RETREG1: variants seen among roughly 807,000 people sequenced by gnomAD.
RETREG1 encodes the protein reticulophagy regulator 1, also known as family with sequence similarity 134 member B.
Under a neutral mutation model 54.8 loss-of-function variants are expected in RETREG1, and 44 were observed. The observed-to-expected ratio is 0.80, with a 90% CI of 0.63 to 1.03. RETREG1 has a LOEUF of 1.03. Ranked by LOEUF, RETREG1 falls within the 50% of genes least tolerant of loss-of-function variation. The probability of loss-of-function intolerance (pLI) is 0.00; values close to 1 mark genes in which losing one functional copy is unlikely to be tolerated. For missense variants in RETREG1, 554 were observed against 605.1 expected (o/e 0.92, Z 0.89); for synonymous variants, 217 against 238.5 (o/e 0.91, Z 0.83).
chr5:16,548,472 C>T (rs1360247210), intron 3 of RETREG1, among the ~76,000 whole-genome samples: 1 of 152,052 alleles, frequency 6.6e-6, no homozygotes, highest in African/African-American at 2.4e-5. Flanking sequence ...CCAGCTGAAC[C>T]CCAGTTGATC....
intron 3 of RETREG1, among the ~76,000 whole-genome samples, chr5:16,529,470 G>T (rs334486): frequency 0.86 from 130,234 of 152,202 alleles, 55,797 homozygotes; most frequent in Middle Eastern, 0.88. Context: ...TGCTAGGACT[G>T]AAATTGCCCT....
chr5:16,532,726 C>T (rs1337747605), intron 3 of RETREG1, among the ~76,000 whole-genome samples: 1 of 152,180 alleles, frequency 6.6e-6, no homozygotes, highest in Admixed American at 6.5e-5. Flanking sequence ...TAGGTTCCTT[C>T]ATTGTTTATT....
chr5:16,479,708 C>T (rs1738688318), intron 5 of RETREG1, among the ~76,000 whole-genome samples: 1 of 152,044 alleles, frequency 6.6e-6, no homozygotes, highest in Non-Finnish European at 1.5e-5. Context: ...CAAAGATTGC[C>T]ACACTCTAAG....
intron 1 of RETREG1, among the ~76,000 whole-genome samples, chr5:16,595,498 C>T (rs549282020): frequency 3.9e-5 from 6 of 152,270 alleles, no homozygotes; most frequent in Middle Eastern, 3.4e-3. Flanking sequence ...CAAGTAATAA[C>T]TTGTTAGTTA....
chr5:16,505,302 G>A (rs1739904980), intron 3 of RETREG1, among the ~76,000 whole-genome samples: 1 of 152,110 alleles, frequency 6.6e-6, no homozygotes, highest in African/African-American at 2.4e-5. Context: ...GTGACATTCT[G>A]CTGTTAATCC....
intron 1 of RETREG1, among the ~76,000 whole-genome samples, chr5:16,576,113 G>C (rs551709090): frequency 6.6e-6 from 1 of 152,188 alleles, no homozygotes; most frequent in East Asian, 1.9e-4. Flanking sequence ...CAAAAAGAGA[G>C]GCCAGAGTGT....
chr5:16,563,546 C>T (rs1407393684), intron 3 of RETREG1, among the ~76,000 whole-genome samples: 2 of 152,128 alleles, frequency 1.3e-5, no homozygotes, highest in Admixed American at 6.5e-5. Flanking sequence ...AAATGTAAGC[C>T]ACCGTGCCTG....
At chr5:16,503,486 G>A (rs549398787) in intron 3 of RETREG1, among the ~76,000 whole-genome samples, 179 of 152,092 alleles carry the variant, frequency 1.2e-3, no homozygotes, top group African/African-American at 4.2e-3. Context: ...GACCAAGATG[G>A]TGAAACCCCA....
intron 1 of RETREG1, among the ~76,000 whole-genome samples, chr5:16,584,449 C>T (rs1742573890): frequency 6.6e-6 from 1 of 152,074 alleles, no homozygotes; most frequent in African/African-American, 2.4e-5. Flanking sequence ...GTAGACCTAG[C>T]CCTAAACTGA....
At chr5:16,615,006 G>C (rs1221420922) in intron 1 of RETREG1, among the ~76,000 whole-genome samples, 2 of 152,186 alleles carry the variant, frequency 1.3e-5, no homozygotes, top group Non-Finnish European at 2.9e-5. Flanking sequence ...ACTGGGATGA[G>C]AAAGAGATTT....
intron 1 of RETREG1, among the ~76,000 whole-genome samples, chr5:16,577,636 A>C (rs899764752): frequency 5.3e-5 from 8 of 152,054 alleles, no homozygotes; most frequent in Non-Finnish European, 1.2e-4. Context: ...TGTCCTCTAA[A>C]GGTAACTGAT....
At chr5:16,479,049 A>T (rs1317914147) in intron 5 of RETREG1, 62 bp from the exon 6 acceptor site, 47 of 1,506,244 alleles carry the variant, frequency 3.1e-5, no homozygotes, top group Non-Finnish European at 2.8e-6. Flanking sequence ...CGTACATTTC[A>T]GTATTTCACA....
chr5:16,582,486 T>C (rs1376132754), intron 1 of RETREG1, among the ~76,000 whole-genome samples: 2 of 152,172 alleles, frequency 1.3e-5, no homozygotes, highest in African/African-American at 2.4e-5. Flanking sequence ...CCACTTGGTA[T>C]TGACGGGATA....
Position 16,561,451 on chromosome 5 carries a change from C to G in RETREG1, c.458+4312G>C, listed in dbSNP as rs1031515853. 6.6e-6 allele frequency among the ~76,000 whole-genome samples: 1 copy of G among 151,914 alleles called. No homozygotes were observed. Among genetic ancestry groups the G allele is most frequent in the African/African-American group, 2.4e-5 (1 of 41,330 alleles). Reference sequence around the variant, plus strand: ...GGTGGAGCTTGCAGAGAGCCAAGATCGCTCTACCACACTCCAGCCTGGGCG... The same window carrying G: ...GGTGGAGCTTGCAGAGAGCCAAGATGGCTCTACCACACTCCAGCCTGGGCG... On this transcript the variant is annotated intron_variant, in intron 3 of 8. Transcript: ENST00000306320. This position sits in a 1 kb window ranked among gnomAD's most constrained non-coding sequence, Gnocchi z 4.2.
chr5:16,528,077 G>A (rs1579650402), intron 3 of RETREG1, among the ~76,000 whole-genome samples: 2 of 151,936 alleles, frequency 1.3e-5, no homozygotes, highest in Non-Finnish European at 2.9e-5. Flanking sequence ...CCAAAATGCT[G>A]GGATTACAGG....
chr5:16,582,261 T>C (rs916888263), intron 1 of RETREG1, among the ~76,000 whole-genome samples: 1 of 152,244 alleles, frequency 6.6e-6, no homozygotes, highest in African/African-American at 2.4e-5. Flanking sequence ...TATTTCTATA[T>C]AGTAATGTGA....
chr5:16,526,625 A>T (rs1010645634), intron 3 of RETREG1, among the ~76,000 whole-genome samples: 1 of 152,224 alleles, frequency 6.6e-6, no homozygotes, highest in African/African-American at 2.4e-5. Flanking sequence ...CAAGGTTTTA[A>T]TTTTGTTTAA....
At chr5:16,615,255 C>T (rs551947760) in intron 1 of RETREG1, among the ~76,000 whole-genome samples, 5 of 151,766 alleles carry the variant, frequency 3.3e-5, no homozygotes, top group African/African-American at 9.7e-5. Context: ...AAAAAACTGG[C>T]CAGGCGTGGT....
rs370613770 is a variant in RETREG1, at chr5:16,573,319, G to A, written c.321-1217C>T. On this transcript the variant is annotated intron_variant, in intron 1 of 8. Transcript: ENST00000306320. Reference sequence around the variant, plus strand: ...GGAAACAAACTAAAAATTATTGACCGTGAGCAGCACACAAACCCTGCAGTG... The same window carrying A: ...GGAAACAAACTAAAAATTATTGACCATGAGCAGCACACAAACCCTGCAGTG... 1.0e-3 allele frequency among the ~76,000 whole-genome samples: 156 copies of A among 151,184 alleles called. 1 individual carries two copies. Among genetic ancestry groups the A allele is most frequent in the African/African-American group, 3.5e-3 (145 of 41,166 alleles).
Sources: allele counts gnomAD v4.1 joint callset (sites outside exome capture counted in the v4.1 genomes callset), GRCh38; gene constraint gnomAD v4.1.1; non-coding constraint Gnocchi (gnomAD v3.1); transcripts MANE v1.5; gene names NCBI Gene and HGNC (gene_info 2026-07-23, HGNC 2026-07-21).